The following MAF variants were observed in gnomAD, a reference collection of about 807,000 sequenced individuals.
The protein encoded by MAF is transcription factor Maf.
In MAF, 10 loss-of-function variants were observed where a neutral mutation model predicts 22.0. The ratio of observed to expected loss-of-function variants is 0.45; its 90% CI spans 0.28 to 0.77. The LOEUF is 0.77. MAF is among the 30% of genes least tolerant of loss of function. MAF has a pLI of 0.12. For missense variants in MAF, 544 were observed against 548.4 expected, an observed-to-expected ratio of 0.99 and a Z score of 0.08; for synonymous variants, 337 against 255.8, an observed-to-expected ratio of 1.32 and a Z score of -3.03.
the MAF span, chr16:79,211,530 G>A: frequency 6.3e-7 from 1 of 1,585,814 alleles, no homozygotes; most frequent in Non-Finnish European, 8.6e-7. Flanking sequence ...GCCTGCTAAT[G>A]CCCAGGCAGT....
chr16:79,357,702 G>A, the MAF span, among the ~76,000 whole-genome samples: 7 of 152,086 alleles, frequency 4.6e-5, no homozygotes, highest in African/African-American at 1.7e-4. Context: ...GCTTGGACTG[G>A]TTACTAGATG....
At chr16:79,424,494 T>C in the MAF span, among the ~76,000 whole-genome samples, 2 of 152,240 alleles carry the variant, frequency 1.3e-5, no homozygotes, top group Non-Finnish European at 2.9e-5. Context: ...TTAGAAGTTA[T>C]ATTTTATGAC....
chr16:79,549,308 A>T, the MAF span, among the ~76,000 whole-genome samples: 1 of 152,174 alleles, frequency 6.6e-6, no homozygotes, highest in Non-Finnish European at 1.5e-5. Context: ...GCTATGAAGA[A>T]TGCCTTGTTT....
chr16:79,289,511 G>T, the MAF span, among the ~76,000 whole-genome samples: 1 of 152,142 alleles, frequency 6.6e-6, no homozygotes, highest in Non-Finnish European at 1.5e-5. Flanking sequence ...GAGAGTACTT[G>T]ATTAATTCGC....
chr16:79,294,393 C>T, the MAF span, among the ~76,000 whole-genome samples: 1 of 152,166 alleles, frequency 6.6e-6, no homozygotes, highest in Non-Finnish European at 1.5e-5. Flanking sequence ...TCCTCTCCTT[C>T]AAGACAAGCT....
the MAF span, among the ~76,000 whole-genome samples, chr16:79,336,441 T>C: frequency 1.3e-5 from 2 of 152,112 alleles, no homozygotes; most frequent in African/African-American, 4.8e-5. Flanking sequence ...GTGTTCCTAA[T>C]TATTCTATTA....
At chr16:79,426,306 AT>A in the MAF span, among the ~76,000 whole-genome samples, 2 of 152,272 alleles carry the variant, frequency 1.3e-5, no homozygotes, top group South Asian at 2.1e-4. Context: ...CTGGTTCATA[AT>A]TTTTCTGCTG....
chr16:79,562,138 T>G, the MAF span, among the ~76,000 whole-genome samples: 1 of 152,300 alleles, frequency 6.6e-6, no homozygotes, highest in East Asian at 1.9e-4. Context: ...GACATAATCC[T>G]GCTCATCCCT....
At chr16:79,341,592 C>T in the MAF span, among the ~76,000 whole-genome samples, 2 of 152,198 alleles carry the variant, frequency 1.3e-5, no homozygotes, top group Non-Finnish European at 2.9e-5. Flanking sequence ...TATAGTTCAG[C>T]ATTTTCTAGC....
At chr16:79,212,387 T>A in the MAF span, 9 of 479,704 alleles carry the variant, frequency 1.9e-5, no homozygotes, top group African/African-American at 1.3e-4. Flanking sequence ...AACTACCAGG[T>A]GGCAAAGTAC....
At chr16:79,322,023 G>T in the MAF span, among the ~76,000 whole-genome samples, 1,133 of 152,276 alleles carry the variant, frequency 7.4e-3, 14 homozygotes, top group African/African-American at 0.026. Context: ...CCTGAGGTCA[G>T]AGGTTTGCGA....
chr16:79,564,439 G>A, the MAF span, among the ~76,000 whole-genome samples: 1 of 152,214 alleles, frequency 6.6e-6, no homozygotes, highest in African/African-American at 2.4e-5. Flanking sequence ...AGGCAAGGGG[G>A]AAGTAGCTAT....
chr16:79,340,722 C>A, the MAF span, among the ~76,000 whole-genome samples: 1 of 151,944 alleles, frequency 6.6e-6, no homozygotes, highest in Non-Finnish European at 1.5e-5. Context: ...GCATCCCTGG[C>A]CTTGACCTCC....
the MAF span, among the ~76,000 whole-genome samples, chr16:79,262,468 A>G: frequency 6.6e-6 from 1 of 152,142 alleles, no homozygotes; most frequent in Non-Finnish European, 1.5e-5. Flanking sequence ...AAGCCTTAAG[A>G]CAAAATCTGT....
the MAF span, among the ~76,000 whole-genome samples, chr16:79,392,423 G>C: frequency 3.3e-5 from 5 of 149,816 alleles, no homozygotes; most frequent in African/African-American, 1.2e-4. Flanking sequence ...AGAAAAAGGA[G>C]AGGAGAAAGG....
chr16:79,406,132 A>G, the MAF span, among the ~76,000 whole-genome samples: 1 of 152,066 alleles, frequency 6.6e-6, no homozygotes, highest in Non-Finnish European at 1.5e-5. Context: ...CCAATTGCCC[A>G]CAGTGACCCA....
chr16:79,592,089 T>C (rs552207336), downstream of MAF, among the ~76,000 whole-genome samples: 6 of 152,336 alleles, frequency 3.9e-5, no homozygotes, highest in African/African-American at 1.4e-4. Flanking sequence ...GGCCTCCCGC[T>C]TTTAAAGTTC....
At chr16:79,223,021 A>G in the MAF span, among the ~76,000 whole-genome samples, 1 of 152,204 alleles carries the variant, frequency 6.6e-6, no homozygotes, top group Non-Finnish European at 1.5e-5. Flanking sequence ...AAGCAGATCT[A>G]ATAGACATTT....
the MAF span, among the ~76,000 whole-genome samples, chr16:79,211,202 G>T: frequency 6.6e-6 from 1 of 152,172 alleles, no homozygotes; most frequent in African/African-American, 2.4e-5. Context: ...CAGACAGAAG[G>T]TTCTACAAAC....
Sources: allele counts gnomAD v4.1 joint callset (sites outside exome capture counted in the v4.1 genomes callset), GRCh38; gene constraint gnomAD v4.1.1; transcripts MANE v1.5; gene names NCBI Gene and HGNC (gene_info 2026-07-23, HGNC 2026-07-21).